The following MACROD2 variants were observed in gnomAD, a reference collection of about 807,000 sequenced individuals.
MACROD2 encodes mono-ADP ribosylhydrolase 2.
In MACROD2, 36 loss-of-function variants were observed where a neutral mutation model predicts 70.4. The ratio of observed to expected loss-of-function variants is 0.51; its 90% CI spans 0.39 to 0.68. The LOEUF (loss-of-function observed/expected upper bound fraction) is 0.68, where lower values mean the gene tolerates loss of function less well. Among genes scored for constraint, MACROD2 ranks in the 30% least tolerant of loss-of-function variants. MACROD2 has a pLI of 0.00. For missense variants in MACROD2, 496 were observed against 538.4 expected (o/e 0.92, Z 0.78); for synonymous variants, 172 against 178.8 (o/e 0.96, Z 0.30).
intron 2 of MACROD2, among the ~76,000 whole-genome samples, chr20:14,076,849 T>C (rs2148664074): frequency 6.6e-6 from 1 of 152,342 alleles, no homozygotes; most frequent in Admixed American, 6.5e-5. Flanking sequence ...TAAACTTATG[T>C]CTACTAGATA....
intron 5 of MACROD2, among the ~76,000 whole-genome samples, chr20:15,154,626 C>T (rs768405759): frequency 6.6e-6 from 1 of 152,172 alleles, no homozygotes; most frequent in Non-Finnish European, 1.5e-5. Context: ...TTCCACTTTA[C>T]AGATCCCGTC....
chr20:15,324,716 T>C (rs2077909362), intron 6 of MACROD2, among the ~76,000 whole-genome samples: 1 of 152,196 alleles, frequency 6.6e-6, no homozygotes, highest in African/African-American at 2.4e-5. Context: ...TTTTTTGTCC[T>C]TAGAATTTTT....
intron 3 of MACROD2, among the ~76,000 whole-genome samples, chr20:14,205,263 G>A (rs2081513422): frequency 6.6e-6 from 1 of 152,162 alleles, no homozygotes; most frequent in Admixed American, 6.5e-5. Flanking sequence ...TACTACTGAT[G>A]CAGGATGTTT....
intron 8 of MACROD2, among the ~76,000 whole-genome samples, chr20:15,677,576 C>T (rs554080216): frequency 6.6e-6 from 1 of 152,220 alleles, no homozygotes; most frequent in South Asian, 2.1e-4. Context: ...GAAGAGAACA[C>T]TGGCCACTGT....
At chr20:15,244,509 GA>G (rs199511911) in intron 6 of MACROD2, among the ~76,000 whole-genome samples, 1,540 of 152,272 alleles carry the variant, frequency 0.01, 30 homozygotes, top group African/African-American at 0.035. Flanking sequence ...TTGAGGTGGG[GA>G]GTGCCAGTTG....
chr20:15,432,715 C>CA (rs11480250), intron 7 of MACROD2, among the ~76,000 whole-genome samples: 11,769 of 151,636 alleles, frequency 0.078, 1,466 homozygotes, highest in African/African-American at 0.26. Flanking sequence ...TTTTCCTTGC[C>CA]AAAAAAACAA....
At chr20:14,460,528 T>A (rs2084356229) in intron 3 of MACROD2, among the ~76,000 whole-genome samples, 1 of 152,182 alleles carries the variant, frequency 6.6e-6, no homozygotes, top group African/African-American at 2.4e-5. Flanking sequence ...TGTCTTCTTT[T>A]GAGAAGTGTC....
chr20:14,343,007 G>A (rs1195104799), intron 3 of MACROD2, among the ~76,000 whole-genome samples: 2 of 152,058 alleles, frequency 1.3e-5, no homozygotes, highest in Non-Finnish European at 2.9e-5. Context: ...TGGCCTCCCA[G>A]GAAAGAAAGG....
rs552220561 is a variant in MACROD2 at position 15,843,939 on chromosome 20, C to T, written c.646-18806C>T. ...TGGTTTTAAAGTCAGGAATATGAAG[C>T]ATCCTCTTTCACAATCACTCATCCC... On this transcript the variant is annotated intron_variant, in intron 8 of 17. Transcript: ENST00000684519. Among the ~76,000 whole-genome samples the T allele has an allele frequency of 2.0e-5, 3 of 151,990 alleles. No individual in the cohort carries two copies. In the South Asian group the frequency reaches 6.2e-4, roughly 32 times the overall value.
intron 5 of MACROD2, among the ~76,000 whole-genome samples, chr20:14,933,254 C>G (rs2074312067): frequency 6.6e-6 from 1 of 152,050 alleles, no homozygotes; most frequent in Non-Finnish European, 1.5e-5. Flanking sequence ...AGATAACACA[C>G]TATCATTATC....
intron 2 of MACROD2, among the ~76,000 whole-genome samples, chr20:14,046,483 C>T (rs989095198): frequency 6.6e-6 from 1 of 152,148 alleles, no homozygotes; most frequent in African/African-American, 2.4e-5. Context: ...GAGAGTAATT[C>T]AGTAATGTCT....
chr20:15,082,671 G>T (rs407021), intron 5 of MACROD2, among the ~76,000 whole-genome samples: 2 of 151,788 alleles, frequency 1.3e-5, no homozygotes, highest in Admixed American at 6.6e-5. Context: ...CAATAGTCTT[G>T]TGATTCACCC....
intron 5 of MACROD2, among the ~76,000 whole-genome samples, chr20:15,023,947 C>T (rs1319445970): frequency 2.6e-5 from 4 of 152,098 alleles, no homozygotes; most frequent in Non-Finnish European, 5.9e-5. Context: ...GGTACTACCA[C>T]CTTGGAAGCC....
intron 4 of MACROD2, among the ~76,000 whole-genome samples, chr20:14,605,469 C>A (rs1982745395): frequency 6.6e-6 from 1 of 152,128 alleles, no homozygotes; most frequent in Non-Finnish European, 1.5e-5. Flanking sequence ...TTAACATGAT[C>A]ATTGGCAAAG....
intron 8 of MACROD2, among the ~76,000 whole-genome samples, chr20:15,714,982 A>T (rs1039657144): frequency 2.0e-5 from 3 of 152,142 alleles, no homozygotes; most frequent in Non-Finnish European, 4.4e-5. Flanking sequence ...TTAGAATTGC[A>T]TTCTACTCAA....
intron 3 of MACROD2, among the ~76,000 whole-genome samples, chr20:14,399,446 A>G (rs576155952): frequency 1.3e-5 from 2 of 152,022 alleles, no homozygotes; most frequent in African/African-American, 2.4e-5. Flanking sequence ...GTCTGCTGTC[A>G]TTTTTATCTT....
chr20:14,782,627 A>G (rs557376104), intron 5 of MACROD2, among the ~76,000 whole-genome samples: 1 of 152,164 alleles, frequency 6.6e-6, no homozygotes, highest in East Asian at 1.9e-4. Context: ...CTTCACCTCA[A>G]TTCCTGACAA....
At chr20:15,974,994 C>T (rs2066284288) in intron 13 of MACROD2, among the ~76,000 whole-genome samples, 1 of 151,796 alleles carries the variant, frequency 6.6e-6, no homozygotes, top group Non-Finnish European at 1.5e-5. Flanking sequence ...AAAATATTCT[C>T]ACCCAAATGA....
At chr20:15,332,360 T>G (rs2078001660) in intron 6 of MACROD2, among the ~76,000 whole-genome samples, 1 of 151,696 alleles carries the variant, frequency 6.6e-6, no homozygotes, top group African/African-American at 2.4e-5. Context: ...TTCATACGCT[T>G]AGGAGGAAGG....
Sources: allele counts gnomAD v4.1 joint callset (sites outside exome capture counted in the v4.1 genomes callset), GRCh38; gene constraint gnomAD v4.1.1; transcripts MANE v1.5; gene names NCBI Gene and HGNC (gene_info 2026-07-23, HGNC 2026-07-21).